RAB7A: variants seen among roughly 807,000 people sequenced by gnomAD.
The protein encoded by RAB7A is ras-related protein Rab-7a.
Under a neutral mutation model 24.5 loss-of-function variants are expected in RAB7A, and 2 were observed. That is an observed-to-expected ratio of 0.08 (90% confidence interval 0.03 to 0.26). The LOEUF is 0.26. Ranked by LOEUF, RAB7A falls within the 10% of genes least tolerant of loss-of-function variation. RAB7A has a pLI of 1.00. For missense variants in RAB7A, 118 were observed against 255.7 expected, an observed-to-expected ratio of 0.46 and a Z score of 3.67; for synonymous variants, 100 against 95.9, an observed-to-expected ratio of 1.04 and a Z score of -0.25.
rs756048560 is a variant in RAB7A, at chr3:128,764,919, G to A, written c.-8-30441G>A. ...AGTTGTAAGACACGGACAGGTAAAC[G>A]TAGGAGGCGTAGAGCTCCAGGTTGA... is the stretch of plus-strand genomic sequence containing the variant. On this transcript the variant is annotated intron_variant, in intron 1 of 5. Coordinates refer to ENST00000265062, the MANE Select transcript of RAB7A (RefSeq NM_004637.6). The A allele has an allele frequency of 1.0e-5, 16 of 1,581,476 alleles. 1 individual carries two copies. The highest frequency in any genetic ancestry group is 5.5e-5 in the South Asian group (5 of 90,688).
chr3:128,749,474 AG>A (rs1240023437), intron 1 of RAB7A: 1 of 152,198 alleles, frequency 6.6e-6, no homozygotes, highest in East Asian at 1.9e-4. Flanking sequence ...GATGGTCTTG[AG>A]GACCCTGTAA....
In RAB7A at chr3:128,763,063, G is replaced by A. The variant is rs1559786033; in HGVS notation, c.-8-32297G>A. On this transcript the variant is annotated intron_variant, in intron 1 of 5. Transcript: ENST00000265062. ...TAGTTTTGGAAAGATCAAGCCAGTT[G>A]TCCTAACAGAGTGTCCCACATTCTA... 4.0e-5 allele frequency among the ~76,000 whole-genome samples: 6 copies of A among 151,696 alleles called. No homozygotes were observed. In the South Asian group the frequency reaches 1.2e-3, roughly 31 times the overall value.
chr3:128,777,961 G>T (rs1160205990), intron 1 of RAB7A, among the ~76,000 whole-genome samples: 1 of 152,098 alleles, frequency 6.6e-6, no homozygotes, highest in Non-Finnish European at 1.5e-5. Context: ...TGATCTGCCC[G>T]CCTCGGCCTC....
chr3:128,795,751 C>CTTTTTT lies in RAB7A; in HGVS notation c.53+343_53+348dup, dbSNP rs71153147. ...ATTGGCATCTGGCGTAGCAGATGTG[C>CTTTTTT]TTTTTTTTTTTTTTTTTGGAGACAG... On this transcript the variant is annotated intron_variant, in intron 2 of 5. Transcript: ENST00000265062. Among the ~76,000 whole-genome samples, 200 of 43,028 alleles carry CTTTTTT rather than the reference C, an allele frequency of 4.6e-3. 61 individuals are homozygous for CTTTTTT. The East Asian group carries it at 0.061, about 13-fold the overall frequency. The allele number at this position is 43,028 out of a possible 152,430, so 28.2% of individuals were successfully genotyped here.
intron 1 of RAB7A, among the ~76,000 whole-genome samples, chr3:128,756,187 T>C (rs2070727807): frequency 6.6e-6 from 1 of 151,876 alleles, no homozygotes; most frequent in African/African-American, 2.4e-5. Flanking sequence ...AATACAAAAA[T>C]TACCTGGGTG....
At chr3:128,806,661 C>G in intron 4 of RAB7A, 71 bp downstream of exon 4, 3 of 1,409,592 alleles carry the variant, frequency 2.1e-6, no homozygotes, top group Non-Finnish European at 3.0e-6. Flanking sequence ...TTGGAGGGTT[C>G]TCTGCTAAGC....
chr3:128,761,806 G>A (rs898901009), intron 1 of RAB7A, among the ~76,000 whole-genome samples: 12 of 152,168 alleles, frequency 7.9e-5, no homozygotes, highest in Non-Finnish European at 1.5e-4. Flanking sequence ...TATTGAAATA[G>A]GGATGTGAAT....
At chr3:128,789,949 C>T (rs1049557626) in intron 1 of RAB7A, among the ~76,000 whole-genome samples, 1 of 152,036 alleles carries the variant, frequency 6.6e-6, no homozygotes, top group East Asian at 1.9e-4. Flanking sequence ...TGCCACCACG[C>T]GCAGCTTAAT....
At chr3:128,808,573 TATA>T (rs1248333122) in intron 5 of RAB7A, among the ~76,000 whole-genome samples, 2 of 152,148 alleles carry the variant, frequency 1.3e-5, no homozygotes, top group African/African-American at 4.8e-5. Flanking sequence ...ATTCAAGGAA[TATA>T]ATACCTAGAA....
At chr3:128,737,825 G>GTTTTTTTTTTTTTT (rs56027163) in intron 1 of RAB7A, among the ~76,000 whole-genome samples, 9 of 59,492 alleles carry the variant, frequency 1.5e-4, no homozygotes, top group East Asian at 1.2e-3. Context: ...TTTTTTTGTA[G>GTTTTTTTTTTTTTT]TTTTTTTTTT....
chr3:128,773,644 T>C (rs1346429555), intron 1 of RAB7A, among the ~76,000 whole-genome samples: 1 of 152,200 alleles, frequency 6.6e-6, no homozygotes, highest in African/African-American at 2.4e-5. Context: ...TTTTGCAGAA[T>C]AGAAAAGGGG....
rs182443544 is a variant in RAB7A, at chr3:128,756,304, G to A, written c.-9+29945G>A. Among the ~76,000 whole-genome samples the A allele has an allele frequency of 1.7e-4, 26 of 152,078 alleles. 1 individual carries two copies. The East Asian group carries it at 5.0e-3, about 29-fold the overall frequency. On this transcript the variant is annotated intron_variant, in intron 1 of 5. Coordinates refer to ENST00000265062, the MANE Select transcript of RAB7A (RefSeq NM_004637.6). The stretch of plus-strand genomic sequence containing the variant: ...TTGAACCCAGGAGGCGGAGGTTGCA[G>A]TGAGCCGAGATTGTGCCACTGCACT...
intron 1 of RAB7A, among the ~76,000 whole-genome samples, chr3:128,778,437 A>G (rs1933144141): frequency 6.6e-6 from 1 of 152,122 alleles, no homozygotes; most frequent in Non-Finnish European, 1.5e-5. Flanking sequence ...AGGGCTGCAG[A>G]TCCATGTTAA....
In RAB7A at chr3:128,813,859, C is replaced by A. The variant is rs1001256295; in HGVS notation, c.*437C>A. 10 of 265,142 alleles carry A rather than the reference C, an allele frequency of 3.8e-5. No individual in the cohort carries two copies. The highest frequency in any genetic ancestry group is 7.5e-5 in the Non-Finnish European group (10 of 132,800). The allele number at this position is 265,142 out of a possible 1,614,324, so 16.4% of individuals were successfully genotyped here. On this transcript the variant is annotated 3_prime_UTR_variant, in exon 6 of 6. Transcript: ENST00000265062. ...TGGTCTTGTGGTCTTTTTACCCCCCCTTTCCCCTCCCTCCTTGAAGGCTAC... is the reference window on the plus strand; with the variant it reads ...TGGTCTTGTGGTCTTTTTACCCCCCATTTCCCCTCCCTCCTTGAAGGCTAC...
At chr3:128,758,166 A>G (rs1046577165) in intron 1 of RAB7A, among the ~76,000 whole-genome samples, 6 of 150,400 alleles carry the variant, frequency 4.0e-5, no homozygotes, top group Admixed American at 2.0e-4. Flanking sequence ...CTCTCACTAT[A>G]TTGGTTAGGC....
chr3:128,778,872 G>A (rs1933152526), intron 1 of RAB7A, among the ~76,000 whole-genome samples: 1 of 152,136 alleles, frequency 6.6e-6, no homozygotes, highest in Admixed American at 6.5e-5. Flanking sequence ...AATAATAAGG[G>A]ATATCACATG....
chr3:128,751,481 T>TCC (rs1274012917), intron 1 of RAB7A, among the ~76,000 whole-genome samples: 1 of 152,204 alleles, frequency 6.6e-6, no homozygotes, highest in Non-Finnish European at 1.5e-5. Flanking sequence ...CCTGCTGGAT[T>TCC]TTGGACTTGG....
chr3:128,806,318 T>C (rs1276798761), intron 3 of RAB7A, 54 bp from the exon 4 acceptor site: 32 of 1,515,786 alleles, frequency 2.1e-5, no homozygotes, highest in Non-Finnish European at 2.8e-5. Flanking sequence ...GCATACATGC[T>C]CCTGGTGCTC....
intron 1 of RAB7A, among the ~76,000 whole-genome samples, chr3:128,743,040 C>T (rs965297213): frequency 1.3e-5 from 2 of 152,166 alleles, no homozygotes; most frequent in African/African-American, 2.4e-5. Flanking sequence ...TCGGGCATGG[C>T]GGGCTGCAGG....
Sources: gnomAD v4.1 joint callset for allele counts (sites outside exome capture counted in the v4.1 genomes callset) on GRCh38, gnomAD v4.1.1 for gene constraint, MANE v1.5 for transcripts, NCBI Gene and HGNC (gene_info 2026-07-23, HGNC 2026-07-21) for gene names.